The following STK39 variants were observed in gnomAD, a reference collection of about 807,000 sequenced individuals.
The protein encoded by STK39 is STE20/SPS1-related proline-alanine-rich protein kinase.
STK39 carries 20 observed loss-of-function variants against 77.8 expected under a neutral mutation model. That is an observed-to-expected ratio of 0.26 (90% CI 0.18 to 0.37). The LOEUF is 0.37. Among genes scored for constraint, STK39 ranks in the 10% least tolerant of loss-of-function variants. STK39 has a pLI of 1.00. For missense variants in STK39, 479 were observed against 656.5 expected (o/e 0.73, Z 2.95); for synonymous variants, 246 against 234.1 (o/e 1.05, Z -0.47).
chr2:168,110,241 T>G (rs4668020), intron 10 of STK39, among the ~76,000 whole-genome samples: 20,230 of 152,140 alleles, frequency 0.13, 1,620 homozygotes, highest in East Asian at 0.21. Context: ...TTTTTGTTTA[T>G]TTATTTTTGA....
At chr2:168,221,960 A>G (rs1273648431) in intron 1 of STK39, among the ~76,000 whole-genome samples, 2 of 152,192 alleles carry the variant, frequency 1.3e-5, no homozygotes, top group Admixed American at 6.5e-5. Flanking sequence ...TCACGATTTA[A>G]TAAGTATGGT....
chr2:168,210,030 A>AAAGGAAGGAAGGAAGGAAGGAAGG (rs764085860), intron 1 of STK39, among the ~76,000 whole-genome samples: 116 of 110,082 alleles, frequency 1.1e-3, no homozygotes, highest in Middle Eastern at 5.0e-3. Flanking sequence ...GAAAGGAAAG[A>AAAGGAAGGAAGGAAGGAAGGAAGG]AAGGAAGGAA....
intron 16 of STK39, among the ~76,000 whole-genome samples, chr2:167,976,642 C>T (rs934719620): frequency 6.6e-5 from 10 of 152,250 alleles, no homozygotes; most frequent in African/African-American, 2.2e-4. Flanking sequence ...GACCCGCCAA[C>T]CTCTGCTCCT....
chr2:168,063,381 G>T, intron 14 of STK39, 119 bp downstream of exon 14: 1 of 881,430 alleles, frequency 1.1e-6, no homozygotes, highest in Non-Finnish European at 1.7e-6. Flanking sequence ...TCATGGTTCG[G>T]GGAAATCAAA....
intron 2 of STK39, among the ~76,000 whole-genome samples, chr2:168,175,898 G>C (rs1574528661): frequency 1.3e-5 from 2 of 152,244 alleles, no homozygotes; most frequent in East Asian, 1.9e-4. Context: ...AGTGGCAAGA[G>C]ACAGATGACA....
At chr2:168,075,252 A>C in intron 10 of STK39, 21 bp from the exon 11 acceptor site, 1 of 1,612,796 alleles carries the variant, frequency 6.2e-7, no homozygotes, top group Non-Finnish European at 8.5e-7. Context: ...ACAAGCCCAC[A>C]CAATTCTTCA....
chr2:168,104,181 A>G (rs1449195496), intron 10 of STK39, among the ~76,000 whole-genome samples: 1 of 152,210 alleles, frequency 6.6e-6, no homozygotes, highest in African/African-American at 2.4e-5. Flanking sequence ...TGAAACACTA[A>G]GAGTAATTAT....
At chr2:168,104,208 T>C (rs939737528) in intron 10 of STK39, among the ~76,000 whole-genome samples, 13 of 152,188 alleles carry the variant, frequency 8.5e-5, no homozygotes, top group Admixed American at 3.3e-4. Context: ...ATGGCAGTAT[T>C]TGAGGGAAGG....
intron 4 of STK39, among the ~76,000 whole-genome samples, chr2:168,163,430 A>T (rs1337297637): frequency 6.6e-6 from 1 of 152,254 alleles, no homozygotes; most frequent in Non-Finnish European, 1.5e-5. Flanking sequence ...CTCTTATTTC[A>T]GTGAAAGCAA....
At chr2:168,159,555 T>C (rs1018365624) in intron 5 of STK39, among the ~76,000 whole-genome samples, 1 of 152,228 alleles carries the variant, frequency 6.6e-6, no homozygotes, top group African/African-American at 2.4e-5. Flanking sequence ...AATAACCTTA[T>C]ATTATAGTGA....
At chr2:168,153,265 T>G (rs1338119823) in intron 5 of STK39, among the ~76,000 whole-genome samples, 1 of 152,236 alleles carries the variant, frequency 6.6e-6, no homozygotes, top group African/African-American at 2.4e-5. Flanking sequence ...CCACTTCCAG[T>G]TCTAAGTACT....
At chr2:168,057,364 T>C (rs1685551561) in intron 14 of STK39, among the ~76,000 whole-genome samples, 1 of 152,182 alleles carries the variant, frequency 6.6e-6, no homozygotes, top group African/African-American at 2.4e-5. Flanking sequence ...AGCTAATTTT[T>C]GTATTTTTAG....
intron 1 of STK39, among the ~76,000 whole-genome samples, chr2:168,221,925 G>A (rs966559672): frequency 1.3e-5 from 2 of 152,108 alleles, no homozygotes; most frequent in African/African-American, 2.4e-5. Flanking sequence ...CTAAAGAATA[G>A]ACTCTCCACT....
chr2:168,186,968 A>G (rs976868035), intron 1 of STK39, among the ~76,000 whole-genome samples: 1 of 152,238 alleles, frequency 6.6e-6, no homozygotes, highest in Non-Finnish European at 1.5e-5. Context: ...AGTTTAAAAT[A>G]TAAGAGACAA....
chr2:168,008,861 G>A (rs1489847397), intron 16 of STK39, among the ~76,000 whole-genome samples: 1 of 152,144 alleles, frequency 6.6e-6, no homozygotes, highest in Non-Finnish European at 1.5e-5. Flanking sequence ...GCCCAATACT[G>A]CCAATAGGTC....
At chr2:167,996,620 T>C (rs147739903) in intron 16 of STK39, among the ~76,000 whole-genome samples, 170 of 152,318 alleles carry the variant, frequency 1.1e-3, no homozygotes, top group African/African-American at 3.8e-3. Context: ...TAGTCCTCTG[T>C]AGAAATAGAA....
chr2:168,247,529 C>G lies in STK39; in HGVS notation c.-94G>C, dbSNP rs1690968775. The G allele has an allele frequency of 1.1e-6, 1 of 911,974 alleles. No individual in the cohort carries two copies. Among genetic ancestry groups the G allele is most frequent in the Non-Finnish European group, 1.3e-6 (1 of 752,912 alleles). The allele number at this position is 911,974 out of a possible 1,614,324, so 56.5% of individuals were successfully genotyped here. A position where few individuals can be genotyped will look rare whatever the true frequency, so the allele number is the denominator to read the frequency against. ...CTCGCCGCCGACACCTCTCGGCCGG[C>G]GCACGCCCTCCCCGCCCGCCGCCGC... On this transcript the variant is annotated 5_prime_UTR_variant, in exon 1 of 18. Coordinates refer to ENST00000355999, the MANE Select transcript of STK39 (RefSeq NM_013233.3).
intron 14 of STK39, among the ~76,000 whole-genome samples, chr2:168,021,709 T>C (rs1227650361): frequency 1.3e-5 from 2 of 152,126 alleles, no homozygotes; most frequent in African/African-American, 4.8e-5. Flanking sequence ...ATAAAAACTC[T>C]TAAATTTGGT....
intron 5 of STK39, among the ~76,000 whole-genome samples, chr2:168,150,700 C>T (rs1688256764): frequency 6.6e-6 from 1 of 151,638 alleles, no homozygotes; most frequent in African/African-American, 2.4e-5. Flanking sequence ...TGGCAATAAC[C>T]ACATTACCTT....
Sources: gnomAD v4.1 joint callset for allele counts (sites outside exome capture counted in the v4.1 genomes callset) on GRCh38, gnomAD v4.1.1 for gene constraint, MANE v1.5 for transcripts, NCBI Gene and HGNC (gene_info 2026-07-23, HGNC 2026-07-21) for gene names.